PHF21A: variants seen among roughly 807,000 people sequenced by gnomAD.
PHF21A encodes the protein BHC80a.
A neutral mutation model predicts 82.5 loss-of-function variants in PHF21A; 11 were observed. That is an observed-to-expected ratio of 0.13 (90% CI 0.08 to 0.22). PHF21A has a LOEUF of 0.22. PHF21A is among the 10% of genes least tolerant of loss of function. The pLI is 1.00. For synonymous variants in PHF21A, 297 were observed against 302.8 expected (o/e 0.98, Z 0.20); for missense variants, 579 against 837.8 (o/e 0.69, Z 3.81).
At position 46,076,742 on chromosome 11, in the gene PHF21A, C is replaced by T; in HGVS notation, c.153+12G>A. On this transcript the variant is annotated intron_variant, in intron 6 of 18. Transcript: ENST00000676320. ...AACGTTAAAAATATGCCCCCCTCCC[C>T]TTTTCCCCTACCTGTTTCTCACTCA... 3 of 1,606,040 alleles carry T rather than the reference C, an allele frequency of 1.9e-6. No homozygotes were observed. Among genetic ancestry groups the T allele is most frequent in the Non-Finnish European group, 2.6e-6 (3 of 1,174,032 alleles).
At chr11:45,992,568 T>C (rs1384062018) in intron 6 of PHF21A, among the ~76,000 whole-genome samples, 1 of 152,086 alleles carries the variant, frequency 6.6e-6, no homozygotes, top group Non-Finnish European at 1.5e-5. Context: ...TTTTTTGACA[T>C]CACAAGGTGA....
intron 11 of PHF21A, among the ~76,000 whole-genome samples, chr11:45,953,106 TAAC>T (rs1385197471): frequency 6.6e-6 from 1 of 152,196 alleles, no homozygotes; most frequent in Non-Finnish European, 1.5e-5. Context: ...AACGCACACT[TAAC>T]AACTGCAATT....
At chr11:46,003,008 A>G (rs2095189168) in intron 6 of PHF21A, among the ~76,000 whole-genome samples, 1 of 152,210 alleles carries the variant, frequency 6.6e-6, no homozygotes, top group Non-Finnish European at 1.5e-5. Flanking sequence ...ATTGAATACT[A>G]TGATTTCTAA....
Position 46,084,296 on chromosome 11 carries a change from A to G in PHF21A, c.-77T>C. On this transcript the variant is annotated 5_prime_UTR_variant, in exon 4 of 19. It removes the in-frame stop codon of an upstream open reading frame in the 5' UTR. Coordinates refer to ENST00000676320, the MANE Select transcript of PHF21A (RefSeq NM_001352027.3). ...TTTAAAGTAACAAACTCCTCTTCTC[A>G]CTGCAGCTGTAAAGATCATAAAATG... 1 of 987,532 alleles carries G rather than the reference A, an allele frequency of 1.0e-6. No individual in the cohort carries two copies. Among genetic ancestry groups the G allele is most frequent in the Non-Finnish European group, 1.5e-6 (1 of 652,910 alleles). The allele number at this position is 987,532 out of a possible 1,614,324, so 61.2% of individuals were successfully genotyped here.
intron 6 of PHF21A, among the ~76,000 whole-genome samples, chr11:46,065,627 A>G (rs2096585008): frequency 6.6e-6 from 1 of 152,246 alleles, no homozygotes; most frequent in South Asian, 2.1e-4. Flanking sequence ...TGATACAATT[A>G]TAACATCTAT....
At chr11:46,116,032 C>T (rs900510767) in intron 1 of PHF21A, among the ~76,000 whole-genome samples, 2 of 152,074 alleles carry the variant, frequency 1.3e-5, no homozygotes, top group African/African-American at 4.8e-5. Flanking sequence ...AAAGAATAGT[C>T]ACTTCTAAAA....
chr11:46,091,473 T>C (rs2096924066), intron 2 of PHF21A, among the ~76,000 whole-genome samples: 1 of 152,196 alleles, frequency 6.6e-6, no homozygotes, highest in Non-Finnish European at 1.5e-5. Flanking sequence ...GCCCCACAAT[T>C]ACATTTCTCT....
At chr11:45,970,054 G>C in intron 8 of PHF21A, 150 bp from the exon 9 acceptor site, 1 of 664,934 alleles carries the variant, frequency 1.5e-6, no homozygotes, top group Non-Finnish European at 2.7e-6. Flanking sequence ...ACTGCATTAG[G>C]AAACTTTTTA....
rs761478416 is a variant in PHF21A, at chr11:45,965,567, G to A, written c.744C>T (p.Ala248=). The change falls in exon 10 of 19, where the codon GCC becomes GCT. Residue 248 remains alanine (A), a synonymous_variant. Transcript: ENST00000676320. ...KPVAQNNIPI[A]PAPPPMLAAP... The stretch of plus-strand genomic sequence containing the variant: ...CTGCGAGCATGGGAGGTGGTGCTGG[G>A]GCAATAGGAATGTTATTCTGGGCCA... The A allele has an allele frequency of 5.7e-6, 9 of 1,578,226 alleles. No homozygotes were observed. In the African/African-American group the frequency reaches 8.1e-5, roughly 14 times the overall value.
intron 6 of PHF21A, among the ~76,000 whole-genome samples, chr11:46,022,593 C>T (rs1189645172): frequency 6.6e-6 from 1 of 152,186 alleles, no homozygotes; most frequent in Non-Finnish European, 1.5e-5. Context: ...TCCCAAGCAG[C>T]TGGGACTACA....
intron 6 of PHF21A, among the ~76,000 whole-genome samples, chr11:46,053,326 C>T (rs2096399111): frequency 6.6e-6 from 1 of 151,942 alleles, no homozygotes; most frequent in Admixed American, 6.6e-5. Context: ...ACTTCTAGTC[C>T]TCTTTTGATA....
At chr11:45,940,232 G>A (rs2090078842) in intron 15 of PHF21A, among the ~76,000 whole-genome samples, 1 of 150,208 alleles carries the variant, frequency 6.7e-6, no homozygotes, top group Non-Finnish European at 1.5e-5. Flanking sequence ...CTCTTGCTCT[G>A]TTGCCCAGGC....
intron 10 of PHF21A, among the ~76,000 whole-genome samples, chr11:45,957,816 G>C (rs371624294): frequency 3.9e-5 from 5 of 127,424 alleles, no homozygotes; most frequent in Non-Finnish European, 5.1e-5. Context: ...AAATAGAGAA[G>C]AACAACAGAC....
At chr11:46,063,665 T>C (rs1246179132) in intron 6 of PHF21A, among the ~76,000 whole-genome samples, 1 of 152,120 alleles carries the variant, frequency 6.6e-6, no homozygotes, top group African/African-American at 2.4e-5. Context: ...TAAAACCACT[T>C]TACCCATAAA....
intron 6 of PHF21A, among the ~76,000 whole-genome samples, chr11:46,025,715 A>AT (rs967452707): frequency 2.0e-5 from 3 of 151,888 alleles, no homozygotes; most frequent in Non-Finnish European, 2.9e-5. Context: ...TCTTTACCAC[A>AT]TTTTTTTTAT....
intron 6 of PHF21A, among the ~76,000 whole-genome samples, chr11:46,006,192 A>G (rs902457750): frequency 2.6e-5 from 4 of 152,224 alleles, no homozygotes; most frequent in African/African-American, 9.6e-5. Context: ...AAATGATTTT[A>G]AAATTAAATG....
chr11:45,966,768 T>C (rs1409585860), intron 9 of PHF21A, among the ~76,000 whole-genome samples: 1 of 152,068 alleles, frequency 6.6e-6, no homozygotes, highest in Non-Finnish European at 1.5e-5. Context: ...TACAGGCACA[T>C]GCCAGCACGC....
At chr11:46,054,022 T>C (rs1455901821) in intron 6 of PHF21A, among the ~76,000 whole-genome samples, 5 of 152,094 alleles carry the variant, frequency 3.3e-5, no homozygotes, top group Admixed American at 3.3e-4. Context: ...CCACAAGCTT[T>C]TTCACAAGCA....
At chr11:45,960,444 A>G (rs563939443) in intron 10 of PHF21A, among the ~76,000 whole-genome samples, 2 of 152,340 alleles carry the variant, frequency 1.3e-5, no homozygotes, top group Non-Finnish European at 2.9e-5. Flanking sequence ...GCCATAAGAG[A>G]TCACATATTG....
Sources: gnomAD v4.1 joint callset for allele counts (sites outside exome capture counted in the v4.1 genomes callset) on GRCh38, gnomAD v4.1.1 for gene constraint, MANE v1.5 for transcripts, NCBI Gene and HGNC (gene_info 2026-07-23, HGNC 2026-07-21) for gene names.